Variants in CERS4 observed in about 807,000 individuals in gnomAD.
CERS4 encodes LAG1 homolog, ceramide synthase 4.
A neutral mutation model predicts 51.8 loss-of-function variants in CERS4; 65 were observed. The observed-to-expected ratio is 1.26, with a 90% CI of 1.03 to 1.54. The LOEUF (loss-of-function observed/expected upper bound fraction) is 1.54, where lower values mean the gene tolerates loss of function less well. CERS4 is among the 40% of genes most tolerant of loss of function. CERS4 has a pLI of 0.00. For missense variants in CERS4, 563 were observed against 500.4 expected (o/e 1.13, Z -1.19); for synonymous variants, 228 against 208.4 (o/e 1.09, Z -0.81).
intron 2 of CERS4, chr19:8,238,446 C>G (rs1478120963): frequency 4.3e-6 from 4 of 937,018 alleles, no homozygotes; most frequent in Non-Finnish European, 5.1e-6. Context: ...GGCACTGATG[C>G]AGAGGCCTGG....
chr19:8,255,980 C>A, intron 6 of CERS4, 101 bp downstream of exon 6: 1 of 1,317,396 alleles, frequency 7.6e-7, no homozygotes, highest in Non-Finnish European at 1.1e-6. Flanking sequence ...GAGAGGAAAA[C>A]ATGCAGCTGA....
At chr19:8,240,202 C>T (rs1568518437) in intron 2 of CERS4, among the ~76,000 whole-genome samples, 1 of 152,020 alleles carries the variant, frequency 6.6e-6, no homozygotes, top group African/African-American at 2.4e-5. Flanking sequence ...ATGGATTAAG[C>T]TGGGGAGGCA....
chr19:8,250,794 G>T, intron 2 of CERS4: 2 of 1,167,660 alleles, frequency 1.7e-6, no homozygotes, highest in Non-Finnish European at 2.1e-6. Flanking sequence ...GTTCAGAGAG[G>T]TCAAGTCATT....
chr19:8,258,480 G>A (rs906446225), intron 10 of CERS4, among the ~76,000 whole-genome samples: 6 of 151,832 alleles, frequency 4.0e-5, no homozygotes, highest in South Asian at 4.2e-4. Context: ...AGGCTGAGGC[G>A]GGCGGGTCAC....
At chr19:8,258,741 C>T (rs574903971) in intron 10 of CERS4, among the ~76,000 whole-genome samples, 18 of 152,168 alleles carry the variant, frequency 1.2e-4, no homozygotes, top group Non-Finnish European at 2.4e-4. Context: ...ACTCGGGAGG[C>T]TGAGGCAGGA....
At chr19:8,259,888 G>A (rs1250585902) in intron 10 of CERS4, among the ~76,000 whole-genome samples, 1 of 152,122 alleles carries the variant, frequency 6.6e-6, no homozygotes, top group Admixed American at 6.6e-5. Context: ...ATGTTTGCAG[G>A]TCGAGAGAGG....
chr19:8,256,713 G>C lies in CERS4; in HGVS notation c.612+3G>C, dbSNP rs374454794. The C allele has an allele frequency of 6.2e-7, 1 of 1,612,124 alleles. No homozygotes were observed. The highest frequency in any genetic ancestry group is 8.5e-7 in the Non-Finnish European group (1 of 1,179,218). ...TGCCCTTTGATGTCAAGCGCAAGGTGAGGCCAAATAAGAGTCTGGAAGACC... is the reference window on the plus strand; with the variant it reads ...TGCCCTTTGATGTCAAGCGCAAGGTCAGGCCAAATAAGAGTCTGGAAGACC... On this transcript the variant is annotated splice_donor_region_variant and intron_variant, in intron 8 of 11. Coordinates refer to ENST00000251363, the MANE Select transcript of CERS4 (RefSeq NM_024552.3).
chr19:8,230,222 G>A (rs529846935), intron 2 of CERS4, among the ~76,000 whole-genome samples: 116 of 148,314 alleles, frequency 7.8e-4, no homozygotes, highest in African/African-American at 2.7e-3. Flanking sequence ...ACGGAGTCTC[G>A]CCTGAGCTGG....
In CERS4 at chr19:8,254,595, G is replaced by T. The variant is rs572479274; in HGVS notation, c.270G>T (p.Thr90=). 3.7e-6 allele frequency: 6 copies of T among 1,610,614 alleles called. No individual in the cohort carries two copies. The highest frequency in any genetic ancestry group is 3.4e-5 in the Admixed American group (2 of 59,658). ...PNATLEKHFL[T]EGHRPKEPQL... ...CCACGCTGGAGAAACACTTCCTCAC[G>T]GAAGGGCACAGGCCCAAGGAGGTGA... The change falls in exon 4 of 12, where the codon ACG becomes ACT. Residue 90 remains threonine, a synonymous_variant. Coordinates refer to ENST00000251363, the MANE Select transcript of CERS4 (RefSeq NM_024552.3).
chr19:8,259,624 C>T (rs750871504), intron 10 of CERS4, among the ~76,000 whole-genome samples: 6 of 152,008 alleles, frequency 3.9e-5, no homozygotes, highest in Non-Finnish European at 8.8e-5. Context: ...TAAGGGGATG[C>T]CTCTGGGATC....
At chr19:8,259,719 G>A (rs1426463437) in intron 10 of CERS4, among the ~76,000 whole-genome samples, 3 of 152,142 alleles carry the variant, frequency 2.0e-5, no homozygotes, top group African/African-American at 7.2e-5. Context: ...TGGCCTCAGA[G>A]GAGACATGGA....
At chr19:8,260,957 A>AAAAAC (rs1432121689) in intron 10 of CERS4, 1 of 101,698 alleles carries the variant, frequency 9.8e-6, no homozygotes, top group African/African-American at 4.1e-5. Flanking sequence ...TCTCAAAAAA[A>AAAAAC]AAAAAAAAAA....
intron 2 of CERS4, among the ~76,000 whole-genome samples, chr19:8,216,517 CTGTAA>C (rs1318360792): frequency 6.6e-6 from 1 of 151,862 alleles, no homozygotes; most frequent in Non-Finnish European, 1.5e-5. Context: ...TGGCTCATGC[CTGTAA>C]TCCCAGCACT....
At chr19:8,258,026 C>A in intron 10 of CERS4, 41 bp downstream of exon 10, 1 of 1,468,188 alleles carries the variant, frequency 6.8e-7, no homozygotes, top group Non-Finnish European at 9.5e-7. Context: ...GGTGGGAGGG[C>A]GTGTCTGAGA....
intron 8 of CERS4, 30 bp from the exon 9 acceptor site, chr19:8,256,919 G>C: frequency 1.2e-6 from 2 of 1,613,880 alleles, no homozygotes; most frequent in Non-Finnish European, 1.7e-6. Flanking sequence ...ATCAAGCCTC[G>C]TCCCCACTAT....
chr19:8,224,476 G>A (rs1015690596), intron 2 of CERS4, among the ~76,000 whole-genome samples: 3 of 152,118 alleles, frequency 2.0e-5, no homozygotes, highest in Admixed American at 2.0e-4. Flanking sequence ...CCCAGGAGGG[G>A]AGTGTCCCCT....
intron 2 of CERS4, among the ~76,000 whole-genome samples, chr19:8,211,234 CCTGT>C (rs36017467): frequency 0.029 from 4,465 of 152,202 alleles, 235 homozygotes; most frequent in East Asian, 0.19. Context: ...CACTGGGATG[CCTGT>C]AGTTGGCAGC....
intron 3 of CERS4, 71 bp from the exon 4 acceptor site, chr19:8,254,428 T>C: frequency 1.4e-6 from 2 of 1,412,738 alleles, no homozygotes; most frequent in South Asian, 1.2e-5. Flanking sequence ...ACCGGCAGCA[T>C]GTCTGCCCCC....
chr19:8,259,145 AAGTC>A lies in CERS4; in HGVS notation c.848+1163_848+1166del, dbSNP rs199562603. On this transcript the variant is annotated intron_variant, in intron 10 of 11. Transcript: ENST00000251363. ...CAAGACTCTGTCTCTAAATAAAAAA[AAGTC>A]AGGAAGGGAGCAGGAAGTATGGGAG... 2.1e-3 allele frequency among the ~76,000 whole-genome samples: 327 copies of A among 152,314 alleles called. 6 individuals are homozygous for A. The East Asian group carries it at 0.042, about 20-fold the overall frequency.
Sources: allele counts gnomAD v4.1 joint callset (sites outside exome capture counted in the v4.1 genomes callset), GRCh38; gene constraint gnomAD v4.1.1; transcripts MANE v1.5; gene names NCBI Gene and HGNC (gene_info 2026-07-23, HGNC 2026-07-21).